PBK: variants seen among roughly 807,000 people sequenced by gnomAD.
The protein encoded by PBK is PDZ binding kinase, also known as lymphokine-activated killer T-cell-originated protein kinase.
In PBK, 22 loss-of-function variants were observed where a neutral mutation model predicts 33.5. The observed-to-expected ratio is 0.66, with a 90% CI of 0.47 to 0.94. The LOEUF is 0.94. Among genes scored for constraint, PBK ranks in the 40% least tolerant of loss-of-function variants. The probability of loss-of-function intolerance (pLI) is 0.00; values close to 1 mark genes in which losing one functional copy is unlikely to be tolerated. For missense variants in PBK, 376 were observed against 383.4 expected, an observed-to-expected ratio of 0.98 and a Z score of 0.16; for synonymous variants, 129 against 123.8, an observed-to-expected ratio of 1.04 and a Z score of -0.28.
At chr8:27,810,828 T>G (rs754239077) in intron 7 of PBK, 130 bp downstream of exon 7, 1 of 665,932 alleles carries the variant, frequency 1.5e-6, no homozygotes, top group Non-Finnish European at 2.5e-6. Context: ...ATGTCTCATT[T>G]GTGTGAGATT....
intron 3 of PBK, among the ~76,000 whole-genome samples, chr8:27,823,632 A>C (rs1438265439): frequency 2.0e-5 from 3 of 152,064 alleles, no homozygotes; most frequent in Non-Finnish European, 4.4e-5. Flanking sequence ...TTTTACCCAT[A>C]TATCATCATC....
intron 6 of PBK, among the ~76,000 whole-genome samples, chr8:27,815,637 AAGT>A (rs1805796484): frequency 2.0e-5 from 3 of 152,200 alleles, no homozygotes; most frequent in Admixed American, 2.0e-4. Context: ...CATACATTCT[AAGT>A]AGGTCAGATT....
In PBK at chr8:27,810,194, A is replaced by G. The variant is rs1184952491; in HGVS notation, c.*111T>C. ...GTTATCCATATGTTAACAAGAAACT[A>G]TGGTCCTCAAATATGCCAATTTTAG... On this transcript the variant is annotated 3_prime_UTR_variant, in exon 8 of 8. Transcript: ENST00000301905. 19 of 709,638 alleles carry G rather than the reference A, an allele frequency of 2.7e-5. No homozygotes were observed. The highest frequency in any genetic ancestry group is 4.7e-5 in the Non-Finnish European group (19 of 404,940). 44.0% of individuals were successfully genotyped at this position (709,638 alleles called of 1,614,324 possible).
At chr8:27,819,522 T>G (rs985362095) in intron 6 of PBK, among the ~76,000 whole-genome samples, 4 of 152,108 alleles carry the variant, frequency 2.6e-5, no homozygotes, top group Admixed American at 6.5e-5. Context: ...GTTTCCTATT[T>G]TATTACAAAT....
Position 27,822,408 on chromosome 8 carries a change from A to T in PBK, c.376T>A (p.Leu126Ile). ...CTGGCTTTATATCGTTCTTCTATTA[A>T]GTCATTTAGAGACTTTTCACCTCCA... ...EYGGEKSLNDLIEERYKASQD... is the reference protein window; with the variant it reads ...EYGGEKSLNDIIEERYKASQD... The change falls in exon 5 of 8, where the codon TTA becomes ATA. Residue 126 changes from leucine (L) to isoleucine (I), a missense_variant. Transcript: ENST00000301905. The T allele has an allele frequency of 6.2e-7, 1 of 1,612,866 alleles. No homozygotes were observed. Among genetic ancestry groups the T allele is most frequent in the Non-Finnish European group, 8.5e-7 (1 of 1,179,030 alleles).
intron 1 of PBK, among the ~76,000 whole-genome samples, chr8:27,835,614 C>T (rs28690101): frequency 0.16 from 23,834 of 151,146 alleles, 2,380 homozygotes; most frequent in East Asian, 0.37. Context: ...TGCAATGGTG[C>T]AATCTCGGCT....
rs140021521 is a variant in PBK at position 27,823,369 on chromosome 8, T to C, written c.153-164A>G. Among the ~76,000 whole-genome samples, 77 of 152,140 alleles carry C rather than the reference T, an allele frequency of 5.1e-4. No individual in the cohort carries two copies. The East Asian group carries it at 0.014, about 27-fold the overall frequency. ...CACCTCTGCTACATTTCCATTTCAA[T>C]TGGGAGGTAAGATCTAATATACTAA... On this transcript the variant is annotated intron_variant, in intron 3 of 7. Coordinates refer to ENST00000301905, the MANE Select transcript of PBK (RefSeq NM_018492.4).
intron 6 of PBK, chr8:27,812,588 A>C (rs1368938103): frequency 6.6e-6 from 1 of 151,528 alleles, no homozygotes; most frequent in African/African-American, 2.4e-5. Context: ...AAGGGCTAAT[A>C]TCCAGAATCT....
At chr8:27,819,087 C>G (rs999762984) in intron 6 of PBK, among the ~76,000 whole-genome samples, 3 of 152,140 alleles carry the variant, frequency 2.0e-5, no homozygotes, top group Non-Finnish European at 4.4e-5. Context: ...AGTATCATCG[C>G]TTTAATTACT....
At chr8:27,818,168 A>G (rs1196669360) in intron 6 of PBK, among the ~76,000 whole-genome samples, 2 of 152,200 alleles carry the variant, frequency 1.3e-5, no homozygotes, top group African/African-American at 4.8e-5. Flanking sequence ...AGCTTGAGTA[A>G]TAAGCCTTGG....
intron 2 of PBK, 107 bp from the exon 3 acceptor site, chr8:27,828,305 G>T: frequency 2.0e-6 from 1 of 512,714 alleles, no homozygotes; most frequent in Non-Finnish European, 3.4e-6. Flanking sequence ...CAGTCTTTTT[G>T]GAGAGCAATT....
rs762200988 is a variant in PBK, at chr8:27,820,704, T to A, written c.466-10A>T. The A allele has an allele frequency of 1.4e-6, 2 of 1,477,708 alleles. No homozygotes were observed. The highest frequency in any genetic ancestry group is 2.5e-5 in the South Asian group (2 of 80,176). The allele number at this position is 1,477,708 out of a possible 1,614,324, so 91.5% of individuals were successfully genotyped here. A position where few individuals can be genotyped will look rare whatever the true frequency, so the allele number is the denominator to read the frequency against. ...TTTCTTGGTGCAGATACTAAAATAG[T>A]AAAAAATTTAACACATATGTGCAGA... On this transcript the variant is annotated splice_polypyrimidine_tract_variant and intron_variant, in intron 5 of 7. Coordinates refer to ENST00000301905, the MANE Select transcript of PBK (RefSeq NM_018492.4).
chr8:27,830,475 C>A lies in PBK; in HGVS notation c.59-2277G>T, dbSNP rs539835109. On this transcript the variant is annotated intron_variant, in intron 2 of 7. Transcript: ENST00000301905. ...AGGTTAGAAAAAAATCATCAATGAG[C>A]TATGGGACAATAGCAAAACAGCCGA... is the stretch of plus-strand genomic sequence containing the variant. Among the ~76,000 whole-genome samples the A allele has an allele frequency of 3.5e-4, 54 of 152,222 alleles. No individual in the cohort carries two copies. The South Asian group carries it at 0.011, about 31-fold the overall frequency.
At chr8:27,823,347 C>CG in intron 3 of PBK, 142 bp from the exon 4 acceptor site, 2 of 569,976 alleles carry the variant, frequency 3.5e-6, no homozygotes, top group East Asian at 6.1e-5. Flanking sequence ...CTATGAACAC[C>CG]TCTGCTACAT....
Position 27,833,234 on chromosome 8 carries a change from G to A in PBK, c.-20-101C>T, listed in dbSNP as rs150161486. 3.6e-3 allele frequency: 2,096 copies of A among 582,992 alleles called. 32 individuals are homozygous for A. Among genetic ancestry groups the A allele is most frequent in the African/African-American group, 0.032 (1,663 of 52,090 alleles). The allele number at this position is 582,992 out of a possible 1,614,324, so 36.1% of individuals were successfully genotyped here. A position where few individuals can be genotyped will look rare whatever the true frequency, so the allele number is the denominator to read the frequency against. The stretch of plus-strand genomic sequence containing the variant: ...TAGCCAGGCGCAGTGGATCATGCCT[G>A]TAATCCCAGCACTTTGGGAGGCTGA... On this transcript the variant is annotated intron_variant, in intron 1 of 7. Coordinates refer to ENST00000301905, the MANE Select transcript of PBK (RefSeq NM_018492.4).
rs189396344 is a variant in PBK, at chr8:27,813,806, T to C, written c.596-2672A>G. On this transcript the variant is annotated intron_variant, in intron 6 of 7. Coordinates refer to ENST00000301905, the MANE Select transcript of PBK (RefSeq NM_018492.4). ...TTTTCCTTCCTGGAATAAGTCCTAGTTGGTCAAGATGTAGTGTTCTCATGT... is the reference window on the plus strand; with the variant it reads ...TTTTCCTTCCTGGAATAAGTCCTAGCTGGTCAAGATGTAGTGTTCTCATGT... Among the ~76,000 whole-genome samples the C allele has an allele frequency of 5.4e-4, 82 of 152,324 alleles. No individual in the cohort carries two copies. In the Middle Eastern group the frequency reaches 0.01, roughly 19 times the overall value.
At chr8:27,830,088 G>A (rs12334307) in intron 2 of PBK, among the ~76,000 whole-genome samples, 23,697 of 146,770 alleles carry the variant, frequency 0.16, 2,304 homozygotes, top group East Asian at 0.37. Context: ...CTGTAATCCC[G>A]ACTACTCGGG....
chr8:27,819,691 A>C (rs1056137997), intron 6 of PBK, among the ~76,000 whole-genome samples: 3 of 152,142 alleles, frequency 2.0e-5, no homozygotes, highest in African/African-American at 7.2e-5. Flanking sequence ...GATCTTTAAC[A>C]TCCTTACATT....
intron 6 of PBK, among the ~76,000 whole-genome samples, chr8:27,815,967 T>TTTA (rs1452229168): frequency 6.6e-6 from 1 of 152,230 alleles, no homozygotes; most frequent in Non-Finnish European, 1.5e-5. Context: ...CAGTTTATAC[T>TTTA]TTATTTCCCT....
Sources: gnomAD v4.1 joint callset for allele counts (sites outside exome capture counted in the v4.1 genomes callset) on GRCh38, gnomAD v4.1.1 for gene constraint, MANE v1.5 for transcripts, NCBI Gene and HGNC (gene_info 2026-07-23, HGNC 2026-07-21) for gene names.